HMCN1: variants seen among roughly 807,000 people sequenced by gnomAD.
HMCN1 encodes hemicentin 1, also known as hemicentin-1.
Under a neutral mutation model 625.9 loss-of-function variants are expected in HMCN1, and 321 were observed. That is an observed-to-expected ratio of 0.51 (90% CI 0.47 to 0.56). HMCN1 has a LOEUF of 0.56. HMCN1 is among the 20% of genes least tolerant of loss of function. The probability of loss-of-function intolerance (pLI) is 0.00; values close to 1 mark genes in which losing one functional copy is unlikely to be tolerated. For synonymous variants in HMCN1, 2,425 were observed against 2,417.6 expected (o/e 1.00, Z -0.09); for missense variants, 6,588 against 6,887.3 (o/e 0.96, Z 1.54).
At chr1:185,931,895 A>T (rs1274374848) in intron 10 of HMCN1, among the ~76,000 whole-genome samples, 1 of 152,204 alleles carries the variant, frequency 6.6e-6, no homozygotes, top group African/African-American at 2.4e-5. Flanking sequence ...AATTTCACTA[A>T]ATTGGCTTAT....
intron 89 of HMCN1, among the ~76,000 whole-genome samples, chr1:186,138,626 G>A (rs989620288): frequency 2.6e-5 from 4 of 152,044 alleles, no homozygotes; most frequent in Non-Finnish European, 4.4e-5. Context: ...TTTCCATGTG[G>A]TGGAAACAAT....
chr1:185,761,245 C>G (rs916239337), intron 1 of HMCN1, among the ~76,000 whole-genome samples: 1 of 152,058 alleles, frequency 6.6e-6, no homozygotes, highest in Admixed American at 6.6e-5. Flanking sequence ...GTCAGACACT[C>G]AAGTTGGGGG....
At chr1:186,168,402 G>A (rs570477312) in intron 100 of HMCN1, among the ~76,000 whole-genome samples, 1 of 151,022 alleles carries the variant, frequency 6.6e-6, no homozygotes, top group South Asian at 2.1e-4. Flanking sequence ...GCAGTGAGCT[G>A]AGATCATGCC....
At chr1:185,945,965 T>G (rs151300656) in intron 11 of HMCN1, among the ~76,000 whole-genome samples, 1 of 152,312 alleles carries the variant, frequency 6.6e-6, no homozygotes, top group East Asian at 1.9e-4. Flanking sequence ...GCAGTTATGC[T>G]CTGGGAGATT....
At chr1:185,778,842 G>A (rs143277666) in intron 1 of HMCN1, among the ~76,000 whole-genome samples, 4,803 of 152,200 alleles carry the variant, frequency 0.032, 258 homozygotes, top group African/African-American at 0.11. Context: ...ATGATTTATA[G>A]TCCTTTGGGT....
chr1:185,861,018 G>T (rs1004657365), intron 2 of HMCN1, among the ~76,000 whole-genome samples: 4 of 151,844 alleles, frequency 2.6e-5, no homozygotes, highest in African/African-American at 9.7e-5. Flanking sequence ...ATTTTTTTAG[G>T]GCTGCATTCA....
chr1:185,909,113 G>T (rs905160409), intron 4 of HMCN1, among the ~76,000 whole-genome samples: 2 of 152,020 alleles, frequency 1.3e-5, no homozygotes, highest in Admixed American at 1.3e-4. Flanking sequence ...TATTATTCAA[G>T]ATAGAAAACT....
intron 35 of HMCN1, 35 bp from the exon 36 acceptor site, chr1:186,022,995 T>C (rs777389521): frequency 6.8e-6 from 11 of 1,607,212 alleles, no homozygotes; most frequent in Admixed American, 5.0e-5. Context: ...AAGTATAAGA[T>C]ACAAAAATCC....
At chr1:185,742,889 G>A (rs1199024802) in intron 1 of HMCN1, among the ~76,000 whole-genome samples, 2 of 152,152 alleles carry the variant, frequency 1.3e-5, no homozygotes, top group East Asian at 3.9e-4. Context: ...TAAAGTATAA[G>A]GACCAAAGTT....
At chr1:186,023,232 T>A (rs2102165910) in intron 36 of HMCN1, 79 bp downstream of exon 36, 1 of 1,297,634 alleles carries the variant, frequency 7.7e-7, no homozygotes, top group Non-Finnish European at 1.1e-6. Flanking sequence ...TTTATTGAAT[T>A]ACAGTATAAA....
intron 89 of HMCN1, among the ~76,000 whole-genome samples, chr1:186,141,902 T>C (rs1022318448): frequency 6.6e-6 from 1 of 152,214 alleles, no homozygotes; most frequent in African/African-American, 2.4e-5. Flanking sequence ...ATTGTGCTCC[T>C]CTACCCTGCC....
Position 186,095,227 on chromosome 1 carries a change from G to A in HMCN1, c.10295-16G>A. On this transcript the variant is annotated splice_polypyrimidine_tract_variant and intron_variant, in intron 67 of 106. Coordinates refer to ENST00000271588, the MANE Select transcript of HMCN1 (RefSeq NM_031935.3). ...CAATAGACATCCAAATTTTGCCCAT[G>A]TTGTTTTCTATGTAGCACCACCAAA... The A allele has an allele frequency of 6.2e-7, 1 of 1,613,450 alleles. No homozygotes were observed. Among genetic ancestry groups the A allele is most frequent in the East Asian group, 2.2e-5 (1 of 44,852 alleles).
chr1:186,100,466 G>A (rs1040437699), intron 68 of HMCN1, among the ~76,000 whole-genome samples: 1 of 151,992 alleles, frequency 6.6e-6, no homozygotes, highest in Admixed American at 6.6e-5. Flanking sequence ...TGAAAACAAG[G>A]GACAGCATAT....
intron 11 of HMCN1, among the ~76,000 whole-genome samples, chr1:185,941,111 T>A (rs1668058265): frequency 6.6e-6 from 1 of 152,144 alleles, no homozygotes; most frequent in South Asian, 2.1e-4. Flanking sequence ...CGCCTCGGCC[T>A]CCCAAAGTGC....
rs114224070 is a variant in HMCN1, at chr1:185,837,286, T to C, written c.269-8740T>C. 3.3e-3 allele frequency among the ~76,000 whole-genome samples: 506 copies of C among 152,084 alleles called. 1 individual carries two copies. Among genetic ancestry groups the C allele is most frequent in the African/African-American group, 0.012 (489 of 41,546 alleles). ...TTTATCATGACACTAGTTTGAGTAA[T>C]AATCTTTCAAAAAAGTTTTCTTTCT... On this transcript the variant is annotated intron_variant, in intron 1 of 106. Coordinates refer to ENST00000271588, the MANE Select transcript of HMCN1 (RefSeq NM_031935.3).
intron 2 of HMCN1, among the ~76,000 whole-genome samples, chr1:185,864,181 A>G (rs1363188574): frequency 3.3e-5 from 5 of 152,236 alleles, no homozygotes; most frequent in Non-Finnish European, 5.9e-5. Context: ...GAGGGGGTGT[A>G]TGAGATCATC....
At chr1:186,109,041 T>TG (rs1267125046) in intron 71 of HMCN1, among the ~76,000 whole-genome samples, 1 of 152,206 alleles carries the variant, frequency 6.6e-6, no homozygotes, top group Non-Finnish European at 1.5e-5. Context: ...CATCTGAGAC[T>TG]GGAATCCGTG....
chr1:185,841,320 GT>G (rs1661467192), intron 1 of HMCN1, among the ~76,000 whole-genome samples: 1 of 152,066 alleles, frequency 6.6e-6, no homozygotes, highest in African/African-American at 2.4e-5. Flanking sequence ...TTGCCTTACT[GT>G]TTTTTAAAAA....
At chr1:186,164,238 A>ATTTTTTT (rs1651721502) in intron 97 of HMCN1, among the ~76,000 whole-genome samples, 2 of 133,156 alleles carry the variant, frequency 1.5e-5, no homozygotes, top group African/African-American at 3.3e-5. Context: ...TCTAACTTAA[A>ATTTTTTT]TCTTTTTTTT....
Sources: gnomAD v4.1 joint callset for allele counts (sites outside exome capture counted in the v4.1 genomes callset) on GRCh38, gnomAD v4.1.1 for gene constraint, MANE v1.5 for transcripts, NCBI Gene and HGNC (gene_info 2026-07-23, HGNC 2026-07-21) for gene names.